PAICS: variants seen among roughly 807,000 people sequenced by gnomAD.
The protein encoded by PAICS is phosphoribosylaminoimidazole carboxylase and phosphoribosylaminoimidazolesuccinocarboxamide synthase, also known as bifunctional phosphoribosylaminoimidazole carboxylase/phosphoribosylaminoimidazole succinocarboxamide synthetase.
A neutral mutation model predicts 53.7 loss-of-function variants in PAICS; 33 were observed. The observed-to-expected ratio is 0.61, with a 90% CI of 0.47 to 0.82. The LOEUF (loss-of-function observed/expected upper bound fraction) is 0.82, where lower values mean the gene tolerates loss of function less well. PAICS is among the 40% of genes least tolerant of loss of function. PAICS has a pLI of 0.00. For missense variants in PAICS, 394 were observed against 494.1 expected (o/e 0.80, Z 1.92); for synonymous variants, 141 against 167.2 (o/e 0.84, Z 1.21).
chr4:56,435,754 C>A, upstream of PAICS: 1 of 1,491,754 alleles, frequency 6.7e-7, no homozygotes, highest in Non-Finnish European at 8.9e-7. Flanking sequence ...GTGGAGCTAG[C>A]CTTCCCCTAA....
In PAICS at chr4:56,436,519, G is replaced by A. The variant is rs533488234; in HGVS notation, c.16+191G>A. 8 of 713,412 alleles carry A rather than the reference G, an allele frequency of 1.1e-5. No homozygotes were observed. The East Asian group carries it at 1.3e-4, about 12-fold the overall frequency. 44.2% of individuals were successfully genotyped at this position (713,412 alleles called of 1,614,324 possible). On this transcript the variant is annotated intron_variant, in intron 1 of 8. Transcript: ENST00000512576. ...TTACTGCCTCGGGGATGGGGAGAAG[G>A]AGCAAAGTAGAGGAGAACGAGAAAT... is the stretch of plus-strand genomic sequence containing the variant.
chr4:56,450,638 A>C lies in PAICS; in HGVS notation c.707A>C (p.Glu236Ala), dbSNP rs1270577432. The change falls in exon 6 of 9, where the codon GAA becomes GCA. Residue 236 changes from glutamate (E) to alanine (A), a missense_variant. By Grantham distance (107) the Glu-to-Ala change is moderately radical. Coordinates refer to ENST00000512576, the MANE Select transcript of PAICS (RefSeq NM_001079524.2). ...KDKQSYRDLKEVTPEGLQMVK... is the reference protein window; with the variant it reads ...KDKQSYRDLKAVTPEGLQMVK... ...TTCTAGTCTTATCGGGACCTCAAAG[A>C]AGTAACTCCTGAAGGGCTCCAAATG... 3 of 1,535,134 alleles carry C rather than the reference A, an allele frequency of 2.0e-6. No homozygotes were observed. Among genetic ancestry groups the C allele is most frequent in the Non-Finnish European group, 2.7e-6 (3 of 1,129,098 alleles).
chr4:56,417,426 T>C, the PAICS span, among the ~76,000 whole-genome samples: 1 of 152,176 alleles, frequency 6.6e-6, no homozygotes, highest in East Asian at 1.9e-4. Flanking sequence ...TGTAATATCA[T>C]TTGTATGATA....
upstream of PAICS, chr4:56,436,116 T>C: frequency 6.8e-7 from 1 of 1,474,334 alleles, no homozygotes; most frequent in Non-Finnish European, 9.0e-7. Context: ...TGGGGCGTTG[T>C]TTCGTCCGAT....
chr4:56,448,962 T>G lies in PAICS; in HGVS notation c.687+139T>G, dbSNP rs530216388. ...GTGGATTGCTGTTTATTTTTAAAGA[T>G]AAATGTCTCTGGTATCCTAATAGAA... is the stretch of plus-strand genomic sequence containing the variant. On this transcript the variant is annotated intron_variant, in intron 5 of 8. Coordinates refer to ENST00000512576, the MANE Select transcript of PAICS (RefSeq NM_001079524.2). 1.5e-5 allele frequency: 9 copies of G among 605,562 alleles called. No homozygotes were observed. In the South Asian group the frequency reaches 1.7e-4, roughly 11 times the overall value. 37.5% of individuals were successfully genotyped at this position (605,562 alleles called of 1,614,324 possible). A position where few individuals can be genotyped will look rare whatever the true frequency, so the allele number is the denominator to read the frequency against.
the PAICS span, among the ~76,000 whole-genome samples, chr4:56,418,275 C>T: frequency 2.6e-5 from 4 of 152,108 alleles, no homozygotes; most frequent in Non-Finnish European, 5.9e-5. Context: ...TACACTCTAG[C>T]TTGGTGAAAG....
chr4:56,457,360 C>T (rs939243657), intron 8 of PAICS, among the ~76,000 whole-genome samples: 1 of 152,104 alleles, frequency 6.6e-6, no homozygotes, highest in Non-Finnish European at 1.5e-5. Flanking sequence ...CAGCAGTGAG[C>T]CGTGATTGCA....
At position 56,461,638 on chromosome 4, in the gene PAICS, G is replaced by C. The variant is rs528579353; in HGVS notation, c.*2100G>C. The C allele has an allele frequency of 9.9e-5, 15 of 151,912 alleles. No individual in the cohort carries two copies. Among genetic ancestry groups the C allele is most frequent in the African/African-American group, 3.4e-4 (14 of 41,384 alleles). The allele number at this position is 151,912 out of a possible 1,614,324, so 9.4% of individuals were successfully genotyped here. On this transcript the variant is annotated 3_prime_UTR_variant, in exon 9 of 9. Transcript: ENST00000512576. ...TCCTGGACTCAAGCTGCAGCCTCTCGAGTAGCTGGGTGCATGTGCTACCAC... is the reference window on the plus strand; with the variant it reads ...TCCTGGACTCAAGCTGCAGCCTCTCCAGTAGCTGGGTGCATGTGCTACCAC...
At chr4:56,448,252 A>T (rs1718717185) in intron 3 of PAICS, among the ~76,000 whole-genome samples, 166 bp from the exon 4 acceptor site, 1 of 151,886 alleles carries the variant, frequency 6.6e-6, no homozygotes. Context: ...TGATCCGCCC[A>T]CCTCAGCCCC....
chr4:56,448,605 TAAAA>T lies in PAICS; in HGVS notation c.573+9_573+12del. ...ACACTGGTTGATATGAAGGTACAGATAAAACAAGTACAGATAAAACAACAGGATT... is the reference window on the plus strand; with the variant it reads ...ACACTGGTTGATATGAAGGTACAGATCAAGTACAGATAAAACAACAGGATT... On this transcript the variant is annotated intron_variant, in intron 4 of 8. Transcript: ENST00000512576. 1.9e-6 allele frequency: 3 copies of T among 1,553,266 alleles called. No individual in the cohort carries two copies. The South Asian group carries it at 3.4e-5, about 18-fold the overall frequency.
chr4:56,423,056 A>G, the PAICS span: 6 of 152,176 alleles, frequency 3.9e-5, no homozygotes, highest in African/African-American at 1.4e-4. Flanking sequence ...TTGCTACCTG[A>G]TAGTTTGCCT....
At chr4:56,441,353 T>G (rs538151956) in intron 1 of PAICS, among the ~76,000 whole-genome samples, 1 of 152,298 alleles carries the variant, frequency 6.6e-6, no homozygotes, top group East Asian at 1.9e-4. Flanking sequence ...AGCACAGGAT[T>G]TGATGTCAGA....
intron 3 of PAICS, 69 bp downstream of exon 3, chr4:56,446,942 A>G: frequency 1.0e-6 from 1 of 992,806 alleles, no homozygotes. Flanking sequence ...TAGAAACTCT[A>G]AAGGTTTAAA....
At chr4:56,449,799 T>C (rs1718805629) in intron 5 of PAICS, among the ~76,000 whole-genome samples, 1 of 144,746 alleles carries the variant, frequency 6.9e-6, no homozygotes, top group African/African-American at 2.6e-5. Context: ...TAGTGAAACC[T>C]TGTCTCAAAA....
the PAICS span, among the ~76,000 whole-genome samples, chr4:56,416,112 C>A: frequency 8.6e-5 from 13 of 151,516 alleles, no homozygotes; most frequent in African/African-American, 3.1e-4. Context: ...CTAACTACAA[C>A]CATTTCTAAA....
chr4:56,439,099 C>A (rs969733983), intron 1 of PAICS, among the ~76,000 whole-genome samples: 3 of 152,154 alleles, frequency 2.0e-5, no homozygotes, highest in African/African-American at 7.2e-5. Context: ...ATTCAAATTC[C>A]TTCCCTCTTT....
At chr4:56,424,944 T>C in the PAICS span, among the ~76,000 whole-genome samples, 4 of 152,124 alleles carry the variant, frequency 2.6e-5, no homozygotes, top group Admixed American at 6.6e-5. Context: ...AGCATAGAAG[T>C]TTCATGGTAG....
In PAICS at chr4:56,441,875, C is replaced by T. The variant is rs1347315427; in HGVS notation, c.214+15C>T. 3 of 1,550,892 alleles carry T rather than the reference C, an allele frequency of 1.9e-6. No individual in the cohort carries two copies. The highest frequency in any genetic ancestry group is 1.9e-5 in the Admixed American group (1 of 53,364). On this transcript the variant is annotated intron_variant, in intron 2 of 8. Transcript: ENST00000512576. Reference sequence around the variant, plus strand: ...ACAGGAAGCAGGTAAGCAGCTCCCTCAAAGTCTCTTCTCTCACCTTCTCTG... The same window carrying T: ...ACAGGAAGCAGGTAAGCAGCTCCCTTAAAGTCTCTTCTCTCACCTTCTCTG...
At chr4:56,431,230 T>C (rs567263477), upstream of PAICS, among the ~76,000 whole-genome samples, 1 of 152,286 alleles carries the variant, frequency 6.6e-6, no homozygotes, top group South Asian at 2.1e-4. Context: ...AATATGAAAA[T>C]CAAAATTAAG....
Sources: gnomAD v4.1 joint callset for allele counts (sites outside exome capture counted in the v4.1 genomes callset) on GRCh38, gnomAD v4.1.1 for gene constraint, MANE v1.5 for transcripts, NCBI Gene and HGNC (gene_info 2026-07-23, HGNC 2026-07-21) for gene names.